TTLL5: variants seen among roughly 807,000 people sequenced by gnomAD.
TTLL5 encodes tubulin polyglutamylase TTLL5.
TTLL5 carries 132 observed loss-of-function variants against 168.4 expected under a neutral mutation model. The observed-to-expected ratio is 0.78, with a 90% confidence interval of 0.68 to 0.91. TTLL5 has a LOEUF of 0.91. Ranked by LOEUF, TTLL5 falls within the 40% of genes least tolerant of loss-of-function variation. The probability of loss-of-function intolerance (pLI) is 0.00; values close to 1 mark genes in which losing one functional copy is unlikely to be tolerated. For synonymous variants in TTLL5, 546 were observed against 558.6 expected, an observed-to-expected ratio of 0.98 and a Z score of 0.32; for missense variants, 1,545 against 1,581.5, an observed-to-expected ratio of 0.98 and a Z score of 0.39.
At chr14:75,914,110 T>C (rs1268677655) in intron 31 of TTLL5, among the ~76,000 whole-genome samples, 1 of 147,752 alleles carries the variant, frequency 6.8e-6, no homozygotes, top group African/African-American at 2.6e-5. Context: ...TTTGTTTTTA[T>C]TTGTGTTTTG....
intron 10 of TTLL5, among the ~76,000 whole-genome samples, chr14:75,718,941 A>G (rs952360023): frequency 2.6e-5 from 4 of 152,204 alleles, no homozygotes; most frequent in African/African-American, 9.6e-5. Context: ...GGTTTCAGCA[A>G]ATATCCTGTG....
At chr14:75,885,538 C>T (rs1163620894) in intron 30 of TTLL5, among the ~76,000 whole-genome samples, 3 of 152,236 alleles carry the variant, frequency 2.0e-5, no homozygotes, top group Non-Finnish European at 4.4e-5. Flanking sequence ...TAACATCTGA[C>T]ATTGCCATGG....
Position 75,669,425 on chromosome 14 carries a change from A to T in TTLL5, c.84A>T (p.Pro28=). 1 of 1,613,922 alleles carries T rather than the reference A, an allele frequency of 6.2e-7. No homozygotes were observed. Among genetic ancestry groups the T allele is most frequent in the East Asian group, 2.2e-5 (1 of 44,882 alleles). Residue 28 remains proline, a synonymous_variant, in exon 3 of 32, where the codon CCA becomes CCT. Coordinates refer to ENST00000298832, the MANE Select transcript of TTLL5 (RefSeq NM_015072.5). ...TTTTTTGTCGTTATAGGGATCATCC[A>T]TGCATCATGTGGACTGGAGGCTGCA... ...DEEVISQEDH[P]CIMWTGGCRR...
intron 30 of TTLL5, among the ~76,000 whole-genome samples, chr14:75,883,181 C>G (rs2031910557): frequency 6.6e-6 from 1 of 152,216 alleles, no homozygotes; most frequent in Non-Finnish European, 1.5e-5. Context: ...ATCCTGCTTC[C>G]CCTTGGTTTG....
In TTLL5 at chr14:75,761,105, T is replaced by C. The variant is rs1594987269; in HGVS notation, c.1551-3510T>C. Among the ~76,000 whole-genome samples the C allele has an allele frequency of 5.3e-5, 8 of 152,196 alleles. 1 individual carries two copies. The South Asian group carries it at 1.5e-3, about 28-fold the overall frequency. On this transcript the variant is annotated intron_variant, in intron 18 of 31. Coordinates refer to ENST00000298832, the MANE Select transcript of TTLL5 (RefSeq NM_015072.5). The stretch of plus-strand genomic sequence containing the variant: ...GAACAGACACTTCAAAAGGAAGATA[T>C]ATGAGTAGCCAATATGCTTATGAAA...
At chr14:75,856,625 C>CTTTTTTTT (rs35004666) in intron 28 of TTLL5, among the ~76,000 whole-genome samples, 1 of 97,272 alleles carries the variant, frequency 1.0e-5, no homozygotes, top group Non-Finnish European at 2.1e-5. Context: ...AGTTGTATTG[C>CTTTTTTTT]TTTTTTTTTT....
At position 75,857,037 on chromosome 14, in the gene TTLL5, ATTAG is replaced by A. The variant is rs1164221826; in HGVS notation, c.3327-6627_3327-6624del. Among the ~76,000 whole-genome samples the A allele has an allele frequency of 5.3e-5, 8 of 152,308 alleles. No homozygotes were observed. The East Asian group carries it at 1.5e-3, about 29-fold the overall frequency. ...TACTGCAACTTTGCTACATTTATTT[ATTAG>A]TTCTAGCAGTATCTCTCTAAAGTTT... On this transcript the variant is annotated intron_variant, in intron 28 of 31. Transcript: ENST00000298832.
rs1885728367 is a variant in TTLL5, at chr14:75,694,900, A to T, written c.503-4288A>T. 2.6e-5 allele frequency among the ~76,000 whole-genome samples: 4 copies of T among 152,162 alleles called. No individual in the cohort carries two copies. In the South Asian group the frequency reaches 8.3e-4, roughly 32 times the overall value. ...ATCCCGTCATCTTCATAAGCTGAGG[A>T]CGTATGTCGCCTCAGGACCCTGTGA... is the stretch of plus-strand genomic sequence containing the variant. On this transcript the variant is annotated intron_variant, in intron 6 of 31. Transcript: ENST00000298832.
chr14:75,829,925 A>G (rs956149945), intron 28 of TTLL5, among the ~76,000 whole-genome samples: 3 of 152,206 alleles, frequency 2.0e-5, no homozygotes, highest in Non-Finnish European at 4.4e-5. Flanking sequence ...TTTAGTTCAT[A>G]TAAAAGCCTA....
In TTLL5 at chr14:75,732,521, T is replaced by C. The variant is rs781352715; in HGVS notation, c.1124+102T>C. 1.6e-5 allele frequency: 16 copies of C among 982,084 alleles called. No individual in the cohort carries two copies. The South Asian group carries it at 1.9e-4, about 12-fold the overall frequency. The allele number at this position is 982,084 out of a possible 1,614,324, so 60.8% of individuals were successfully genotyped here. A position where few individuals can be genotyped will look rare whatever the true frequency, so the allele number is the denominator to read the frequency against. On this transcript the variant is annotated intron_variant, in intron 13 of 31. Coordinates refer to ENST00000298832, the MANE Select transcript of TTLL5 (RefSeq NM_015072.5). ...CTCTTGGCACTAGAAGACTGTTTTT[T>C]TCCTAGTTATTAGGTGGAGATAACC...
chr14:75,788,122 A>AAAAT lies in TTLL5; in HGVS notation c.2986+4607_2986+4610dup, dbSNP rs1041989710. On this transcript the variant is annotated intron_variant, in intron 26 of 31. Transcript: ENST00000298832. ...GCAACATAGCGAGATCCCATCTCTA[A>AAAAT]AAATAAATAAATAAATAAGTAAATA... 5.3e-5 allele frequency among the ~76,000 whole-genome samples: 8 copies of AAAAT among 152,236 alleles called. No individual in the cohort carries two copies. The East Asian group carries it at 5.8e-4, about 11-fold the overall frequency.
At chr14:75,699,698 G>C (rs148003065) in intron 7 of TTLL5, among the ~76,000 whole-genome samples, 1 of 152,252 alleles carries the variant, frequency 6.6e-6, no homozygotes, top group African/African-American at 2.4e-5. Context: ...CGCTACTGCT[G>C]CTGCTTCTCC....
chr14:75,908,378 G>A (rs1405456568), intron 31 of TTLL5, among the ~76,000 whole-genome samples: 1 of 40,812 alleles, frequency 2.5e-5, no homozygotes, highest in African/African-American at 1.3e-4. Context: ...GAACCCCACA[G>A]GCCTCAGCCC....
At chr14:75,808,212 A>G (rs1566613095) in intron 27 of TTLL5, among the ~76,000 whole-genome samples, 1 of 152,192 alleles carries the variant, frequency 6.6e-6, no homozygotes, top group Admixed American at 6.5e-5. Flanking sequence ...TTGGAACACT[A>G]AATGTCTATA....
At chr14:75,730,822 C>T (rs934943260) in intron 12 of TTLL5, among the ~76,000 whole-genome samples, 11 of 151,934 alleles carry the variant, frequency 7.2e-5, no homozygotes, top group Non-Finnish European at 1.5e-4. Flanking sequence ...CAGTTTCAAG[C>T]GATTCTCCTG....
intron 27 of TTLL5, among the ~76,000 whole-genome samples, chr14:75,812,662 C>T (rs1196227504): frequency 6.6e-6 from 1 of 152,170 alleles, no homozygotes; most frequent in Admixed American, 6.5e-5. Flanking sequence ...GTCTTCACCC[C>T]ATCAAAGGCA....
At chr14:75,668,039 G>A (rs372693894) in intron 2 of TTLL5, among the ~76,000 whole-genome samples, 1 of 152,082 alleles carries the variant, frequency 6.6e-6, no homozygotes, top group Non-Finnish European at 1.5e-5. Flanking sequence ...GATTACAGGC[G>A]TGAGCCACCG....
chr14:75,823,029 A>G (rs1312909972), intron 28 of TTLL5, among the ~76,000 whole-genome samples: 1 of 152,184 alleles, frequency 6.6e-6, no homozygotes, highest in Non-Finnish European at 1.5e-5. Context: ...CCGGAAGAGA[A>G]AGTAGTTAGA....
chr14:75,744,603 T>G (rs549526045), intron 15 of TTLL5: 3 of 152,774 alleles, frequency 2.0e-5, no homozygotes, highest in African/African-American at 7.2e-5. Context: ...TGTAAAACAT[T>G]TCACAGCCCA....
Sources: gnomAD v4.1 joint callset for allele counts (sites outside exome capture counted in the v4.1 genomes callset) on GRCh38, gnomAD v4.1.1 for gene constraint, MANE v1.5 for transcripts, NCBI Gene and HGNC (gene_info 2026-07-23, HGNC 2026-07-21) for gene names.